Variants in TIAM1 observed in about 807,000 individuals in gnomAD.
TIAM1 encodes rho guanine nucleotide exchange factor TIAM1.
In TIAM1, 65 loss-of-function variants were observed where a neutral mutation model predicts 163.5. The ratio of observed to expected loss-of-function variants is 0.40; its 90% CI spans 0.33 to 0.49. The LOEUF (loss-of-function observed/expected upper bound fraction) is 0.49. TIAM1 is among the 20% of genes least tolerant of loss of function. The pLI, the probability that TIAM1 is intolerant of heterozygous loss-of-function variation, is 0.77. For synonymous variants in TIAM1, 833 were observed against 810.1 expected, an observed-to-expected ratio of 1.03 and a Z score of -0.48; for missense variants, 1,789 against 2,044.7, an observed-to-expected ratio of 0.87 and a Z score of 2.41.
intron 2 of TIAM1, among the ~76,000 whole-genome samples, chr21:31,364,738 C>A (rs2076470939): frequency 6.6e-6 from 1 of 152,028 alleles, no homozygotes; most frequent in Non-Finnish European, 1.5e-5. Flanking sequence ...GACGAATGGA[C>A]AGACTGAGTA....
intron 1 of TIAM1, among the ~76,000 whole-genome samples, chr21:31,343,072 T>C (rs1189093729): frequency 6.6e-6 from 1 of 152,218 alleles, no homozygotes; most frequent in Non-Finnish European, 1.5e-5. Flanking sequence ...CACACATTTT[T>C]CACCTTCATT....
intron 15 of TIAM1, among the ~76,000 whole-genome samples, chr21:31,180,991 AAAC>A (rs989858246): frequency 5.2e-5 from 8 of 152,388 alleles, no homozygotes; most frequent in East Asian, 1.9e-4. Context: ...ATGATTTGAA[AAAC>A]AACAATAGCA....
At chr21:31,149,527 T>C (rs2146307368) in intron 19 of TIAM1, among the ~76,000 whole-genome samples, 1 of 152,300 alleles carries the variant, frequency 6.6e-6, no homozygotes, top group South Asian at 2.1e-4. Context: ...CAAGTCTATA[T>C]CAAAGTTCTG....
chr21:31,436,599 C>T (rs1374489433), intron 2 of TIAM1, among the ~76,000 whole-genome samples: 1 of 151,954 alleles, frequency 6.6e-6, no homozygotes, highest in African/African-American at 2.4e-5. Flanking sequence ...CACCACTGCA[C>T]TCCACCCTGG....
chr21:31,400,342 C>T (rs1354521674), intron 2 of TIAM1, among the ~76,000 whole-genome samples: 1 of 152,072 alleles, frequency 6.6e-6, no homozygotes, highest in Non-Finnish European at 1.5e-5. Flanking sequence ...GTTAGCCAAG[C>T]TGGTCTCAAA....
chr21:31,127,510 C>G (rs2082250966), intron 25 of TIAM1, among the ~76,000 whole-genome samples: 1 of 151,814 alleles, frequency 6.6e-6, no homozygotes, highest in Admixed American at 6.6e-5. Context: ...CCTCTGCCTC[C>G]CGGGTTCAAG....
chr21:31,157,034 T>C (rs2083657301), intron 16 of TIAM1, among the ~76,000 whole-genome samples: 1 of 152,224 alleles, frequency 6.6e-6, no homozygotes, highest in Non-Finnish European at 1.5e-5. Context: ...TTATAGGTTC[T>C]TGGAAACTGA....
At chr21:31,391,906 T>C (rs1461942582) in intron 2 of TIAM1, among the ~76,000 whole-genome samples, 1 of 152,172 alleles carries the variant, frequency 6.6e-6, no homozygotes, top group Non-Finnish European at 1.5e-5. Context: ...ACAAAAGCAA[T>C]AAGCATTCAG....
At chr21:31,384,829 T>C (rs951874640) in intron 2 of TIAM1, among the ~76,000 whole-genome samples, 2 of 152,226 alleles carry the variant, frequency 1.3e-5, no homozygotes, top group Non-Finnish European at 2.9e-5. Context: ...GTTTCATCTT[T>C]ACAGTTATAA....
chr21:31,213,611 C>T (rs2087003496), intron 9 of TIAM1, 139 bp from the exon 10 acceptor site: 2 of 711,674 alleles, frequency 2.8e-6, no homozygotes, highest in Middle Eastern at 2.5e-4. Context: ...AATCCCAAAG[C>T]AGGTACAATA....
intron 6 of TIAM1, among the ~76,000 whole-genome samples, chr21:31,230,124 G>A (rs551730867): frequency 6.6e-6 from 1 of 152,248 alleles, no homozygotes; most frequent in South Asian, 2.1e-4. Context: ...CTCTGCCTCA[G>A]TTAGAACCTC....
chr21:31,494,797 C>T (rs1055304203), intron 1 of TIAM1, among the ~76,000 whole-genome samples: 2 of 152,084 alleles, frequency 1.3e-5, no homozygotes, highest in African/African-American at 4.8e-5. Context: ...AAGCCGAGAT[C>T]GCACCACTGA....
chr21:31,311,549 T>C (rs997291381), intron 2 of TIAM1, among the ~76,000 whole-genome samples: 1 of 152,196 alleles, frequency 6.6e-6, no homozygotes, highest in African/African-American at 2.4e-5. Context: ...CATTGGAATG[T>C]ATCAAGTGTG....
At chr21:31,277,960 T>C (rs2073376047) in intron 2 of TIAM1, among the ~76,000 whole-genome samples, 1 of 152,172 alleles carries the variant, frequency 6.6e-6, no homozygotes, top group South Asian at 2.1e-4. Flanking sequence ...GGGTAATACA[T>C]AGCCCTACAG....
chr21:31,460,210 G>T (rs145198660), intron 2 of TIAM1, among the ~76,000 whole-genome samples: 1 of 152,272 alleles, frequency 6.6e-6, no homozygotes, highest in Non-Finnish European at 1.5e-5. Flanking sequence ...AGGCAGTAGT[G>T]GGTGGGTGGT....
At chr21:31,319,779 C>CA (rs34265205) in intron 2 of TIAM1, among the ~76,000 whole-genome samples, 15,697 of 100,886 alleles carry the variant, frequency 0.16, 1,080 homozygotes, top group Middle Eastern at 0.2. Flanking sequence ...GACTCTATCT[C>CA]AAAAAAAAAA....
chr21:31,148,284 G>T (rs2083226790), intron 19 of TIAM1, among the ~76,000 whole-genome samples: 1 of 152,116 alleles, frequency 6.6e-6, no homozygotes, highest in Non-Finnish European at 1.5e-5. Context: ...GTTGTGAGAG[G>T]TAACTGAATA....
At chr21:31,413,032 C>T (rs2043254393) in intron 2 of TIAM1, among the ~76,000 whole-genome samples, 1 of 152,068 alleles carries the variant, frequency 6.6e-6, no homozygotes, top group Non-Finnish European at 1.5e-5. Flanking sequence ...GCCCTGACTT[C>T]ACCACTATGC....
chr21:31,434,812 G>GT (rs1363367450), intron 2 of TIAM1, among the ~76,000 whole-genome samples: 1 of 152,218 alleles, frequency 6.6e-6, no homozygotes, highest in Non-Finnish European at 1.5e-5. Flanking sequence ...TGAGCTCTGT[G>GT]TTAACAGCTT....
Sources: gnomAD v4.1 joint callset for allele counts (sites outside exome capture counted in the v4.1 genomes callset) on GRCh38, gnomAD v4.1.1 for gene constraint, MANE v1.5 for transcripts, NCBI Gene and HGNC (gene_info 2026-07-23, HGNC 2026-07-21) for gene names.